PGAP4: variants seen among roughly 807,000 people sequenced by gnomAD.
The protein encoded by PGAP4 is GPI-N-acetylgalactosamine transferase PGAP4.
In PGAP4, 12 loss-of-function variants were observed where a neutral mutation model predicts 28.2. That is an observed-to-expected ratio of 0.42 (90% CI 0.27 to 0.69). The LOEUF is 0.69. PGAP4 is among the 30% of genes least tolerant of loss of function. The pLI is 0.22. For synonymous variants in PGAP4, 205 were observed against 211.8 expected (o/e 0.97, Z 0.28); for missense variants, 425 against 513.5 (o/e 0.83, Z 1.67).
chr9:101,474,680 C>CCTAT lies in PGAP4; in HGVS notation c.*1197_*1200dup, dbSNP rs1257623956. On this transcript the variant is annotated 3_prime_UTR_variant, in exon 2 of 2. Transcript: ENST00000374848. ...TGGTACATAGGTGGCAGCTCCATGC[C>CCTAT]CTATCTCATACTTTAAACAACATCA... The CCTAT allele has an allele frequency of 6.6e-6, 1 of 152,130 alleles. No homozygotes were observed. The highest frequency in any genetic ancestry group is 1.5e-5 in the Non-Finnish European group (1 of 68,026). 9.4% of individuals were successfully genotyped at this position (152,130 alleles called of 1,614,324 possible).
At chr9:101,505,420 A>G (rs557239393) in intron 2 of PGAP4, among the ~76,000 whole-genome samples, 2 of 152,204 alleles carry the variant, frequency 1.3e-5, no homozygotes, top group Non-Finnish European at 2.9e-5. Flanking sequence ...TTTATTGCAA[A>G]AAGCTAATGA....
chr9:101,497,177 C>T (rs1171063719), intron 2 of PGAP4, among the ~76,000 whole-genome samples: 1 of 151,058 alleles, frequency 6.6e-6, no homozygotes, highest in African/African-American at 2.4e-5. Flanking sequence ...TTTAATTTAA[C>T]AGAACTTTAA....
intron 2 of PGAP4, among the ~76,000 whole-genome samples, chr9:101,511,586 T>G (rs1456737580): frequency 1.3e-5 from 2 of 152,164 alleles, no homozygotes; most frequent in Non-Finnish European, 2.9e-5. Flanking sequence ...TAAGGGACCT[T>G]TGTTAGGCTC....
intron 2 of PGAP4, among the ~76,000 whole-genome samples, chr9:101,494,529 A>C (rs7866755): frequency 6.6e-6 from 1 of 151,608 alleles, no homozygotes. Context: ...CAATTTCATG[A>C]AATTAAATTT....
upstream of PGAP4, among the ~76,000 whole-genome samples, chr9:101,490,482 G>A (rs977550412): frequency 2.5e-4 from 38 of 152,162 alleles, no homozygotes; most frequent in South Asian, 2.1e-4. Flanking sequence ...GAGCCACTGC[G>A]CTCAGCCCAA....
chr9:101,483,037 C>A (rs1057323327), intron 1 of PGAP4, among the ~76,000 whole-genome samples: 1 of 152,300 alleles, frequency 6.6e-6, no homozygotes, highest in East Asian at 1.9e-4. Flanking sequence ...AATTTCAAAG[C>A]TCATGTTTTT....
chr9:101,522,566 A>T (rs1430908892), intron 2 of PGAP4, among the ~76,000 whole-genome samples: 1 of 152,172 alleles, frequency 6.6e-6, no homozygotes, highest in Non-Finnish European at 1.5e-5. Flanking sequence ...TTTGCAAGAA[A>T]TGCCTTTTTT....
Position 101,475,866 on chromosome 9 carries a change from G to T in PGAP4, c.*15C>A. 6.3e-7 allele frequency: 1 copy of T among 1,599,506 alleles called. No individual in the cohort carries two copies. ...TCAAGAAGTGGCCAACTTCAGAAAG[G>T]CATCTCTTGGCACCCTAGAGGAGAC... On this transcript the variant is annotated 3_prime_UTR_variant, in exon 2 of 2. Coordinates refer to ENST00000374848, the MANE Select transcript of PGAP4 (RefSeq NM_032342.3).
chr9:101,532,205 G>A (rs989903311), intron 1 of PGAP4, among the ~76,000 whole-genome samples: 1 of 151,796 alleles, frequency 6.6e-6, no homozygotes, highest in South Asian at 2.1e-4. Context: ...GTGAGGTGGA[G>A]TTTGCAGTGA....
Position 101,476,698 on chromosome 9 carries a change from C to T in PGAP4, c.395G>A (p.Cys132Tyr). The T allele has an allele frequency of 1.2e-6, 2 of 1,614,142 alleles. No homozygotes were observed. Among genetic ancestry groups the T allele is most frequent in the Non-Finnish European group, 1.7e-6 (2 of 1,180,040 alleles). ...VSQFHRLLQQ[C>Y]GPQCEGHQLF... is the part of the protein sequence containing the mutation. ...TTGGTGCCCCTCGCACTGGGGGCCACATTGCTGAAGAAGCCGGTGGAACTG... is the reference window on the plus strand; with the variant it reads ...TTGGTGCCCCTCGCACTGGGGGCCATATTGCTGAAGAAGCCGGTGGAACTG... Residue 132 changes from cysteine (C) to tyrosine (Y), a missense_variant, in exon 2 of 2, where the codon TGT becomes TAT. Physicochemically the swap from Cys to Tyr is radical, Grantham distance 194. Coordinates refer to ENST00000374848, the MANE Select transcript of PGAP4 (RefSeq NM_032342.3). The surrounding 1 kb of genome is among the most constrained non-coding windows in gnomAD (Gnocchi z 7.0).
At chr9:101,513,239 T>G (rs1048711753) in intron 2 of PGAP4, among the ~76,000 whole-genome samples, 1 of 152,088 alleles carries the variant, frequency 6.6e-6, no homozygotes, top group African/African-American at 2.4e-5. Context: ...CTGCAATTGC[T>G]CATAAACCTA....
chr9:101,532,107 T>A (rs1008873705), intron 1 of PGAP4, among the ~76,000 whole-genome samples: 3 of 152,016 alleles, frequency 2.0e-5, no homozygotes, highest in Non-Finnish European at 4.4e-5. Flanking sequence ...CCATCTCTAC[T>A]AAAAATACAA....
chr9:101,498,087 T>C (rs1826767711), intron 2 of PGAP4, among the ~76,000 whole-genome samples: 1 of 151,816 alleles, frequency 6.6e-6, no homozygotes, highest in Non-Finnish European at 1.5e-5. Context: ...GTAAAGCGTT[T>C]TTCAGGGCAG....
chr9:101,516,498 C>T (rs1231915660), intron 2 of PGAP4, among the ~76,000 whole-genome samples: 1 of 152,036 alleles, frequency 6.6e-6, no homozygotes, highest in Admixed American at 6.6e-5. Context: ...GAATTCTTGC[C>T]AAATGATTGG....
intron 2 of PGAP4, among the ~76,000 whole-genome samples, chr9:101,499,850 C>T (rs1337535233): frequency 6.6e-6 from 1 of 152,052 alleles, no homozygotes; most frequent in Non-Finnish European, 1.5e-5. Context: ...TTGAGATTAA[C>T]TTGCAGACGC....
At chr9:101,529,037 C>T (rs1020266904) in intron 2 of PGAP4, among the ~76,000 whole-genome samples, 6 of 151,908 alleles carry the variant, frequency 3.9e-5, no homozygotes, top group African/African-American at 1.4e-4. Context: ...TAAGTGAGTA[C>T]GTGCGGTTGT....
At position 101,475,897 on chromosome 9, in the gene PGAP4, T is replaced by C. The variant is rs768437933; in HGVS notation, c.1196A>G (p.His399Arg). The stretch of plus-strand genomic sequence containing the variant: ...CTTGGCACCCTAGAGGAGACTGGGA[T>C]GAAAGTTGTACCGGAGACTGGAGAA... ...GLFSSLRYNFHPSLL is the reference protein window; with the variant it reads ...GLFSSLRYNFRPSLL The change falls in exon 2 of 2, where the codon CAT (histidine) becomes CGT (arginine). Residue 399 changes from histidine to arginine, a missense_variant. Transcript: ENST00000374848. 1.2e-6 allele frequency: 2 copies of C among 1,614,026 alleles called. No homozygotes were observed. Among genetic ancestry groups the C allele is most frequent in the South Asian group, 2.2e-5 (2 of 91,076 alleles).
chr9:101,483,300 G>T lies in PGAP4; in HGVS notation c.-78+3649C>A, dbSNP rs1826537424. Among the ~76,000 whole-genome samples the T allele has an allele frequency of 2.1e-5, 3 of 145,730 alleles. 1 individual carries two copies. In the South Asian group the frequency reaches 6.6e-4, roughly 32 times the overall value. On this transcript the variant is annotated intron_variant, in intron 1 of 1. Transcript: ENST00000374848. ...AAGAGCTGGTCATATACTGTGTAGA[G>T]ATCGACTTATTTGTAAATGTTTCCA... is the stretch of plus-strand genomic sequence containing the variant.
At chr9:101,511,429 C>T (rs193173114) in intron 2 of PGAP4, among the ~76,000 whole-genome samples, 1 of 152,284 alleles carries the variant, frequency 6.6e-6, no homozygotes, top group Admixed American at 6.5e-5. Context: ...CTGACTTTGC[C>T]TCTTTAAACC....
Sources: allele counts gnomAD v4.1 joint callset (sites outside exome capture counted in the v4.1 genomes callset), GRCh38; gene constraint gnomAD v4.1.1; non-coding constraint Gnocchi (gnomAD v3.1); transcripts MANE v1.5; gene names NCBI Gene and HGNC (gene_info 2026-07-23, HGNC 2026-07-21).